PRKN: variants seen among roughly 807,000 people sequenced by gnomAD.
The protein encoded by PRKN is parkin RBR E3 ubiquitin protein ligase.
PRKN carries 56 observed loss-of-function variants against 59.5 expected under a neutral mutation model. That is an observed-to-expected ratio of 0.94 (90% CI 0.76 to 1.18). The LOEUF (loss-of-function observed/expected upper bound fraction) is 1.18. Among genes scored for constraint, PRKN ranks in the 50% most tolerant of loss-of-function variants. The pLI is 0.00. For missense variants in PRKN, 657 were observed against 596.4 expected (o/e 1.10, Z -1.06); for synonymous variants, 250 against 222.1 (o/e 1.13, Z -1.12).
intron 4 of PRKN, among the ~76,000 whole-genome samples, chr6:162,186,679 T>TG (rs35645707): frequency 6.6e-6 from 1 of 152,184 alleles, no homozygotes; most frequent in Non-Finnish European, 1.5e-5. Flanking sequence ...TTCTCATGAG[T>TG]GGCTTAGCGC....
intron 2 of PRKN, among the ~76,000 whole-genome samples, chr6:162,432,949 T>G (rs924641273): frequency 6.6e-6 from 1 of 152,200 alleles, no homozygotes; most frequent in Non-Finnish European, 1.5e-5. Context: ...TAGAATATAG[T>G]ATTTTCTTAA....
At chr6:161,573,414 T>C (rs1423884812) in intron 7 of PRKN, among the ~76,000 whole-genome samples, 1 of 152,014 alleles carries the variant, frequency 6.6e-6, no homozygotes. Context: ...ATTGAAGACA[T>C]ATTGTCTTAA....
intron 2 of PRKN, among the ~76,000 whole-genome samples, chr6:162,361,671 A>T (rs1785149103): frequency 6.6e-6 from 1 of 152,190 alleles, no homozygotes; most frequent in African/African-American, 2.4e-5. Flanking sequence ...TTTATTTATA[A>T]AAAAAGCCAC....
At chr6:162,624,241 C>CTT (rs1211148351) in intron 1 of PRKN, 1 of 126,050 alleles carries the variant, frequency 7.9e-6, no homozygotes, top group Non-Finnish European at 1.7e-5. Flanking sequence ...GAGTGAGACT[C>CTT]TGTCTCCACA....
intron 5 of PRKN, among the ~76,000 whole-genome samples, chr6:161,990,378 C>T (rs921227755): frequency 7.8e-5 from 9 of 115,438 alleles, no homozygotes; most frequent in Non-Finnish European, 1.7e-4. Flanking sequence ...ATAAATACAT[C>T]TGTAGAAAAA....
chr6:162,579,704 AAT>A (rs1780710524), intron 1 of PRKN, among the ~76,000 whole-genome samples: 4 of 148,920 alleles, frequency 2.7e-5, no homozygotes, highest in South Asian at 2.1e-4. Flanking sequence ...TAAACACACA[AAT>A]TTCACACACA....
intron 3 of PRKN, 141 bp downstream of exon 3, chr6:162,262,380 CAGTG>C (rs1779924994): frequency 2.2e-6 from 2 of 919,606 alleles, no homozygotes; most frequent in Non-Finnish European, 3.6e-6. Flanking sequence ...ACTCCACCTA[CAGTG>C]ATGTCTCCTT....
intron 6 of PRKN, among the ~76,000 whole-genome samples, chr6:161,946,108 A>C (rs900160372): frequency 4.6e-5 from 7 of 152,122 alleles, no homozygotes; most frequent in Non-Finnish European, 1.0e-4. Flanking sequence ...AATGAGTAGA[A>C]AATTTTTTCC....
intron 4 of PRKN, among the ~76,000 whole-genome samples, chr6:162,124,225 C>T (rs1781031948): frequency 6.6e-6 from 1 of 152,200 alleles, no homozygotes; most frequent in Admixed American, 6.5e-5. Context: ...CTTTCACCAA[C>T]ACCAGGGCTG....
intron 5 of PRKN, among the ~76,000 whole-genome samples, chr6:162,022,617 T>C (rs1783251262): frequency 6.6e-6 from 1 of 152,200 alleles, no homozygotes; most frequent in South Asian, 2.1e-4. Context: ...TCTCATTCTG[T>C]AAGTTGTCAG....
intron 6 of PRKN, among the ~76,000 whole-genome samples, chr6:161,907,609 A>G (rs1424924017): frequency 6.6e-6 from 1 of 152,158 alleles, no homozygotes; most frequent in African/African-American, 2.4e-5. Context: ...GTGAATGTGC[A>G]CTGGGGACGT....
intron 7 of PRKN, among the ~76,000 whole-genome samples, chr6:161,705,987 G>A (rs1786474637): frequency 6.6e-6 from 1 of 151,768 alleles, no homozygotes; most frequent in Admixed American, 6.6e-5. Context: ...TCACTGGAAT[G>A]GAACAAATCA....
intron 9 of PRKN, among the ~76,000 whole-genome samples, chr6:161,523,547 G>A (rs16892700): frequency 0.085 from 12,872 of 152,150 alleles, 636 homozygotes; most frequent in African/African-American, 0.14. Flanking sequence ...ACACAAAATC[G>A]CAAAATAACT....
At chr6:162,691,991 T>TA (rs66484144) in intron 1 of PRKN, among the ~76,000 whole-genome samples, 15 of 149,334 alleles carry the variant, frequency 1.0e-4, no homozygotes, top group South Asian at 4.2e-4. Flanking sequence ...ATGCACAGAT[T>TA]AAAAAAAAAA....
intron 7 of PRKN, among the ~76,000 whole-genome samples, chr6:161,720,063 A>G (rs1787156889): frequency 6.6e-6 from 1 of 152,228 alleles, no homozygotes. Flanking sequence ...GGATTACAGC[A>G]CAACAAACCA....
rs907369220 is a variant in PRKN, at chr6:161,593,340, G to A, written c.872-23924C>T. 2.0e-5 allele frequency among the ~76,000 whole-genome samples: 3 copies of A among 152,216 alleles called. No homozygotes were observed. Among genetic ancestry groups the A allele is most frequent in the Non-Finnish European group, 4.4e-5 (3 of 68,040 alleles). On this transcript the variant is annotated intron_variant, in intron 7 of 11. Transcript: ENST00000366898. The surrounding 1 kb of genome is among the most constrained non-coding windows in gnomAD (Gnocchi z 4.8). ...TATCCCCATTTAATGGATGAGGACA[G>A]TGAGGCAGGGAAAGGTGCATAAACC...
At chr6:162,468,205 G>T (rs765704728) in intron 1 of PRKN, among the ~76,000 whole-genome samples, 1 of 152,196 alleles carries the variant, frequency 6.6e-6, no homozygotes, top group Non-Finnish European at 1.5e-5. Context: ...TCAATAAATA[G>T]AACATTCTCC....
chr6:162,440,736 A>G (rs1374384163), intron 2 of PRKN, among the ~76,000 whole-genome samples: 1 of 152,160 alleles, frequency 6.6e-6, no homozygotes, highest in East Asian at 1.9e-4. Flanking sequence ...GGAAGCATTA[A>G]GTAGCTCATA....
chr6:161,843,721 C>T (rs533342304), intron 6 of PRKN, among the ~76,000 whole-genome samples: 3 of 152,254 alleles, frequency 2.0e-5, no homozygotes, highest in South Asian at 2.1e-4. Context: ...ACCTGGGAGG[C>T]GGAGGTTAGA....
Sources: gnomAD v4.1 joint callset for allele counts (sites outside exome capture counted in the v4.1 genomes callset) on GRCh38, gnomAD v4.1.1 for gene constraint, Gnocchi (gnomAD v3.1) non-coding constraint, MANE v1.5 for transcripts, NCBI Gene and HGNC (gene_info 2026-07-23, HGNC 2026-07-21) for gene names.